The following TAFA2 variants were observed in gnomAD, a reference collection of about 807,000 sequenced individuals.
TAFA2 encodes chemokine-like protein TAFA-2.
In TAFA2, 7 loss-of-function variants were observed where a neutral mutation model predicts 18.8. The ratio of observed to expected loss-of-function variants is 0.37; its 90% CI spans 0.21 to 0.70. TAFA2 has a LOEUF of 0.70. TAFA2 is among the 30% of genes least tolerant of loss of function. The probability of loss-of-function intolerance (pLI) is 0.53; values close to 1 mark genes in which losing one functional copy is unlikely to be tolerated. For synonymous variants in TAFA2, 60 were observed against 54.2 expected, an observed-to-expected ratio of 1.11 and a Z score of -0.47; for missense variants, 122 against 158.1, an observed-to-expected ratio of 0.77 and a Z score of 1.23.
chr12:62,215,946 AAGATGGGGTTTCT>A (rs1164786784), intron 1 of TAFA2, among the ~76,000 whole-genome samples: 1 of 152,122 alleles, frequency 6.6e-6, no homozygotes, highest in Non-Finnish European at 1.5e-5. Context: ...TGCCCATCAA[AAGATGGGGTTTCT>A]AGAGACCCTG....
chr12:62,128,538 A>T (rs1186150623), intron 1 of TAFA2, among the ~76,000 whole-genome samples: 1 of 152,000 alleles, frequency 6.6e-6, no homozygotes, highest in African/African-American at 2.4e-5. Context: ...ATGCTTATTT[A>T]GCCTTTTACC....
At chr12:62,252,219 A>C (rs1281044426) in intron 1 of TAFA2, 1 of 152,222 alleles carries the variant, frequency 6.6e-6, no homozygotes, top group Non-Finnish European at 1.5e-5. Context: ...ATTTACTGTC[A>C]AAGTTGTGCA....
rs758368441 is a variant in TAFA2 at position 61,754,988 on chromosome 12, G to T, written c.143C>A (p.Ala48Glu). The T allele has an allele frequency of 3.1e-6, 5 of 1,612,654 alleles. No homozygotes were observed. The Admixed American group carries it at 5.0e-5, about 16-fold the overall frequency. ...HVKTGTCEVV[A>E]LHRCCNKNKI... ...GTTCTTATTACAGCATCTGTGGAGT[G>T]CCACCACCTCACAAGTTCCCGTTTT... Residue 48 changes from alanine (A) to glutamate (E), a missense_variant, in exon 3 of 5, where the codon GCA becomes GAA. By Grantham distance (107) the Ala-to-Glu change is moderately radical. This residue lies in a region of TAFA2 where 62 missense variants were observed against 55.5 expected (regional missense o/e 1.12). Transcript: ENST00000416284.
intron 1 of TAFA2, among the ~76,000 whole-genome samples, chr12:61,895,444 G>T (rs1441532528): frequency 1.3e-5 from 2 of 152,080 alleles, no homozygotes; most frequent in East Asian, 1.9e-4. Context: ...AAGTGAAACA[G>T]TTCTCCCAAG....
At chr12:62,157,757 G>T (rs900275264) in intron 1 of TAFA2, among the ~76,000 whole-genome samples, 1 of 152,100 alleles carries the variant, frequency 6.6e-6, no homozygotes, top group Non-Finnish European at 1.5e-5. Flanking sequence ...TTCCCTAAAC[G>T]AGTCACCCTC....
intron 1 of TAFA2, among the ~76,000 whole-genome samples, chr12:62,240,354 G>A (rs182981675): frequency 2.9e-4 from 44 of 151,764 alleles, no homozygotes; most frequent in Admixed American, 1.1e-3. Flanking sequence ...AGGAGGCAGA[G>A]ATTGCAGTGA....
At chr12:62,225,498 C>T (rs939151918) in intron 1 of TAFA2, among the ~76,000 whole-genome samples, 2 of 151,892 alleles carry the variant, frequency 1.3e-5, no homozygotes, top group African/African-American at 2.4e-5. Flanking sequence ...TAAAAGAAAG[C>T]ACTGATTAAT....
chr12:62,049,805 G>A (rs957797217), intron 1 of TAFA2, among the ~76,000 whole-genome samples: 5 of 152,120 alleles, frequency 3.3e-5, no homozygotes, highest in African/African-American at 1.2e-4. Context: ...TTAGAAACAA[G>A]AGAATATGTA....
At chr12:62,054,358 C>G (rs1252130316) in intron 1 of TAFA2, among the ~76,000 whole-genome samples, 1 of 152,182 alleles carries the variant, frequency 6.6e-6, no homozygotes, top group East Asian at 1.9e-4. Flanking sequence ...AAGACTTACC[C>G]ATTGTATTGC....
chr12:61,755,126 G>T, intron 2 of TAFA2, 102 bp from the exon 3 acceptor site: 1 of 1,030,520 alleles, frequency 9.7e-7, no homozygotes, highest in South Asian at 1.7e-5. Flanking sequence ...TCTATAAGGG[G>T]TCCACCAGGC....
At chr12:61,793,813 C>G (rs1011244090) in intron 2 of TAFA2, among the ~76,000 whole-genome samples, 1 of 151,650 alleles carries the variant, frequency 6.6e-6, no homozygotes, top group African/African-American at 2.4e-5. Context: ...GGAAAATATC[C>G]CACATAAACA....
chr12:61,850,815 A>C (rs1159396744), intron 2 of TAFA2, among the ~76,000 whole-genome samples: 1 of 152,184 alleles, frequency 6.6e-6, no homozygotes, highest in Non-Finnish European at 1.5e-5. Flanking sequence ...CTAAACCTTT[A>C]AATGAAAATA....
intron 1 of TAFA2, among the ~76,000 whole-genome samples, chr12:62,170,269 A>C (rs1424528263): frequency 6.6e-6 from 1 of 152,214 alleles, no homozygotes; most frequent in African/African-American, 2.4e-5. Context: ...ATAAGTAAAA[A>C]TATGTTTAAG....
At chr12:62,035,835 G>T (rs984347119) in intron 1 of TAFA2, among the ~76,000 whole-genome samples, 19 of 135,552 alleles carry the variant, frequency 1.4e-4, no homozygotes, top group African/African-American at 4.4e-4. Flanking sequence ...TCCGCCTCCC[G>T]GGTTCACGCC....
At chr12:62,112,178 G>A (rs1869763009) in intron 1 of TAFA2, among the ~76,000 whole-genome samples, 2 of 152,144 alleles carry the variant, frequency 1.3e-5, no homozygotes, top group Admixed American at 1.3e-4. Flanking sequence ...TGTAAGGCAG[G>A]TCTGGTGGTG....
At chr12:62,002,690 G>A (rs1047924848) in intron 1 of TAFA2, among the ~76,000 whole-genome samples, 2 of 152,138 alleles carry the variant, frequency 1.3e-5, no homozygotes, top group African/African-American at 4.8e-5. Context: ...TTCACATAGA[G>A]ATAGTCCTTC....
At chr12:62,161,065 T>C (rs2062404080) in intron 1 of TAFA2, among the ~76,000 whole-genome samples, 1 of 152,196 alleles carries the variant, frequency 6.6e-6, no homozygotes, top group Non-Finnish European at 1.5e-5. Context: ...TCAGTGAGCC[T>C]ACTCTATTTG....
chr12:62,075,454 C>T (rs930282101), intron 1 of TAFA2, among the ~76,000 whole-genome samples: 1 of 152,126 alleles, frequency 6.6e-6, no homozygotes, highest in Admixed American at 6.6e-5. Context: ...GTGTAAATTC[C>T]ACCTCTCTTG....
At chr12:62,088,480 C>T (rs948019344) in intron 1 of TAFA2, among the ~76,000 whole-genome samples, 2 of 151,754 alleles carry the variant, frequency 1.3e-5, no homozygotes, top group African/African-American at 2.4e-5. Flanking sequence ...AACATGGAAC[C>T]GGGTCTTTGG....
Sources: allele counts gnomAD v4.1 joint callset (sites outside exome capture counted in the v4.1 genomes callset), GRCh38; gene constraint gnomAD v4.1.1; regional missense constraint gnomAD v4.1.1; transcripts MANE v1.5; gene names NCBI Gene and HGNC (gene_info 2026-07-23, HGNC 2026-07-21).